The following ANKRD36 variants were observed in gnomAD, a reference collection of about 807,000 sequenced individuals.
ANKRD36 encodes the protein ankyrin repeat domain 36, also known as ankyrin repeat domain-containing protein 36A.
In ANKRD36, 179 loss-of-function variants were observed where a neutral mutation model predicts 278.1. That is an observed-to-expected ratio of 0.64 (90% CI 0.57 to 0.73). The LOEUF is 0.73. Among genes scored for constraint, ANKRD36 ranks in the 30% least tolerant of loss-of-function variants. The pLI, the probability that ANKRD36 is intolerant of heterozygous loss-of-function variation, is 0.00. For synonymous variants in ANKRD36, 320 were observed against 641.1 expected, an observed-to-expected ratio of 0.50 and a Z score of 7.57; for missense variants, 1,159 against 1,956.7, an observed-to-expected ratio of 0.59 and a Z score of 7.69.
rs576581486 is a variant in ANKRD36 at position 97,213,966 on chromosome 2, A to G, written c.3571+352A>G. On this transcript the variant is annotated intron_variant, in intron 60 of 75. Transcript: ENST00000420699. The stretch of plus-strand genomic sequence containing the variant: ...GAAGTATATATTTTACAGACGTCAC[A>G]TCATACTGCTATAAAAAAGACAGAA... Among the ~76,000 whole-genome samples, 317 of 151,856 alleles carry G rather than the reference A, an allele frequency of 2.1e-3. 1 individual carries two copies. Among genetic ancestry groups the G allele is most frequent in the Non-Finnish European group, 3.2e-3 (220 of 67,944 alleles).
chr2:97,194,094 G>A (rs1431370215), intron 38 of ANKRD36, among the ~76,000 whole-genome samples: 11 of 151,546 alleles, frequency 7.3e-5, no homozygotes, highest in Non-Finnish European at 1.0e-4. Context: ...ACTTTCAGAA[G>A]CCTAAACTAG....
chr2:97,211,685 A>T lies in ANKRD36; in HGVS notation c.3413A>T (p.Glu1138Val), dbSNP rs1213519065. ...TCTATTCAGGCTATCTGTGACAAGG[A>T]AGATTCTGTTCCGAATATGGCCACG... ...QPALKAICDK[E>V]DSVPNMATEK... The change falls in exon 58 of 76, where the codon GAA (glutamate) becomes GTA (valine). Residue 1138 changes from glutamate to valine, a missense_variant. Coordinates refer to ENST00000420699, the MANE Select transcript of ANKRD36 (RefSeq NM_001354587.1). The T allele has an allele frequency of 6.3e-7, 1 of 1,595,042 alleles. No homozygotes were observed.
At chr2:97,229,776 C>T (rs1010255069) in intron 67 of ANKRD36, among the ~76,000 whole-genome samples, 10 of 152,090 alleles carry the variant, frequency 6.6e-5, no homozygotes, top group African/African-American at 1.2e-4. Context: ...TGGCTGGTAC[C>T]GGTTGTTCCT....
chr2:97,157,273 G>T (rs1214100375), intron 15 of ANKRD36, among the ~76,000 whole-genome samples: 8 of 146,686 alleles, frequency 5.5e-5, no homozygotes, highest in South Asian at 2.1e-4. Context: ...ACAAATTGTC[G>T]AATAAATGCT....
intron 64 of ANKRD36, 85 bp downstream of exon 64, chr2:97,217,457 A>C: frequency 6.5e-7 from 1 of 1,532,796 alleles, no homozygotes; most frequent in Non-Finnish European, 8.8e-7. Flanking sequence ...CAGGGTGCTC[A>C]TTGAAAATGC....
At chr2:97,143,877 T>C (rs922791550) in intron 8 of ANKRD36, among the ~76,000 whole-genome samples, 2 of 152,038 alleles carry the variant, frequency 1.3e-5, no homozygotes, top group African/African-American at 4.8e-5. Flanking sequence ...TGAAGAAACT[T>C]TCTGAAGGCT....
intron 11 of ANKRD36, among the ~76,000 whole-genome samples, chr2:97,147,649 A>C (rs1332059854): frequency 2.0e-5 from 3 of 151,950 alleles, no homozygotes; most frequent in African/African-American, 4.8e-5. Flanking sequence ...GAGTGATTTT[A>C]GTTTTAGAAA....
At chr2:97,146,580 G>A in intron 11 of ANKRD36, 64 bp downstream of exon 11, 4 of 1,399,658 alleles carry the variant, frequency 2.9e-6, no homozygotes, top group Non-Finnish European at 3.8e-6. Context: ...ATAGAAACTA[G>A]TATCCATTTA....
At chr2:97,144,776 T>A in intron 10 of ANKRD36, 64 bp downstream of exon 10, 1 of 1,520,216 alleles carries the variant, frequency 6.6e-7, no homozygotes, top group East Asian at 2.5e-5. Context: ...CTTCCCCAAA[T>A]AAATCAGCAG....
In ANKRD36 at chr2:97,142,901, T is replaced by G. The variant is rs1299083498; in HGVS notation, c.901+66T>G. ...TAGAAGAGAACTTCTGTTCACTGAA[T>G]AAATCGCAGGGAGCTCATTGAATCT... On this transcript the variant is annotated intron_variant, in intron 8 of 75. Coordinates refer to ENST00000420699, the MANE Select transcript of ANKRD36 (RefSeq NM_001354587.1). 4 of 1,478,586 alleles carry G rather than the reference T, an allele frequency of 2.7e-6. No homozygotes were observed. In the East Asian group the frequency reaches 7.4e-5, roughly 27 times the overall value. 91.6% of individuals were successfully genotyped at this position (1,478,586 alleles called of 1,614,324 possible). A position where few individuals can be genotyped will look rare whatever the true frequency, so the allele number is the denominator to read the frequency against.
chr2:97,170,969 A>G (rs868864084), intron 22 of ANKRD36, among the ~76,000 whole-genome samples: 3 of 151,504 alleles, frequency 2.0e-5, no homozygotes, highest in South Asian at 2.1e-4. Context: ...ATCACTGGCC[A>G]TCAGAGAAAT....
rs372064085 is a variant in ANKRD36 at position 97,161,448 on chromosome 2, C to T, written c.1390-651C>T. ...CTTATTACTGTAATACACTGTCTGC[C>T]CTATACTTTTGGAATGTTCGTTTTT... On this transcript the variant is annotated intron_variant, in intron 17 of 75. Coordinates refer to ENST00000420699, the MANE Select transcript of ANKRD36 (RefSeq NM_001354587.1). Among the ~76,000 whole-genome samples the T allele has an allele frequency of 1.3e-4, 20 of 152,046 alleles. No individual in the cohort carries two copies. The South Asian group carries it at 2.3e-3, about 17-fold the overall frequency.
intron 44 of ANKRD36, among the ~76,000 whole-genome samples, chr2:97,200,101 C>T (rs1482386127): frequency 6.6e-6 from 1 of 151,876 alleles, no homozygotes; most frequent in Non-Finnish European, 1.5e-5. Flanking sequence ...TAGTTTTCGA[C>T]ACATGACAAA....
intron 26 of ANKRD36, among the ~76,000 whole-genome samples, chr2:97,183,149 G>T (rs1323017499): frequency 1.7e-4 from 26 of 151,750 alleles, no homozygotes; most frequent in Middle Eastern, 3.2e-3. Flanking sequence ...TTGCTCCTCT[G>T]ATTTTAGATC....
At chr2:97,135,983 A>G (rs944158833) in intron 6 of ANKRD36, among the ~76,000 whole-genome samples, 1 of 151,904 alleles carries the variant, frequency 6.6e-6, no homozygotes, top group Non-Finnish European at 1.5e-5. Flanking sequence ...TTCCAAGATG[A>G]TATCATCTGT....
At chr2:97,195,711 T>G (rs1245506578) in intron 40 of ANKRD36, among the ~76,000 whole-genome samples, 1 of 151,988 alleles carries the variant, frequency 6.6e-6, no homozygotes, top group Non-Finnish European at 1.5e-5. Context: ...ATGAAACTTC[T>G]TTAGAAAATA....
chr2:97,183,125 C>CT (rs1457906706), intron 26 of ANKRD36, among the ~76,000 whole-genome samples: 1 of 151,754 alleles, frequency 6.6e-6, no homozygotes, highest in East Asian at 1.9e-4. Flanking sequence ...GACATTGATT[C>CT]CTGGGTGTAT....
chr2:97,144,736 T>C (rs565921670), intron 10 of ANKRD36, 24 bp downstream of exon 10: 1 of 1,542,698 alleles, frequency 6.5e-7, no homozygotes, highest in African/African-American at 1.4e-5. Flanking sequence ...ACACATTTAA[T>C]GCCATGTACA....
chr2:97,158,508 T>C, intron 16 of ANKRD36, 80 bp from the exon 17 acceptor site: 2 of 1,456,392 alleles, frequency 1.4e-6, no homozygotes, highest in Non-Finnish European at 1.9e-6. Flanking sequence ...ATTAAAGCTG[T>C]GAGCCCCCAC....
Sources: gnomAD v4.1 joint callset for allele counts (sites outside exome capture counted in the v4.1 genomes callset) on GRCh38, gnomAD v4.1.1 for gene constraint, MANE v1.5 for transcripts, NCBI Gene and HGNC (gene_info 2026-07-23, HGNC 2026-07-21) for gene names.